Variants in PHF2 observed in about 807,000 individuals in gnomAD.
PHF2 encodes lysine-specific demethylase PHF2.
In PHF2, 27 loss-of-function variants were observed where a neutral mutation model predicts 120.5. The ratio of observed to expected loss-of-function variants is 0.22; its 90% confidence interval spans 0.17 to 0.31. PHF2 has a LOEUF of 0.31. Ranked by LOEUF, PHF2 falls within the 10% of genes least tolerant of loss-of-function variation. The probability of loss-of-function intolerance (pLI) is 1.00; values close to 1 mark genes in which losing one functional copy is unlikely to be tolerated. For missense variants in PHF2, 1,024 were observed against 1,434.8 expected (o/e 0.71, Z 4.63); for synonymous variants, 568 against 592.5 (o/e 0.96, Z 0.60).
intron 1 of PHF2, among the ~76,000 whole-genome samples, chr9:93,628,677 G>A (rs888243520): frequency 4.6e-5 from 7 of 152,044 alleles, no homozygotes; most frequent in East Asian, 1.9e-4. Flanking sequence ...CTGCTGTGGC[G>A]ACATTCTGGG....
At chr9:93,660,602 G>T in intron 12 of PHF2, 42 bp downstream of exon 12, 2 of 1,493,738 alleles carry the variant, frequency 1.3e-6, no homozygotes, top group South Asian at 1.4e-5. Flanking sequence ...ATCACCAGAG[G>T]TGCTGCAGCA....
intron 12 of PHF2, among the ~76,000 whole-genome samples, chr9:93,662,130 A>G (rs933487878): frequency 1.3e-5 from 2 of 149,540 alleles, no homozygotes; most frequent in East Asian, 2.0e-4. Flanking sequence ...TGGATGAATG[A>G]ATGGATGGAT....
intron 7 of PHF2, 99 bp from the exon 8 acceptor site, chr9:93,655,835 A>C: frequency 1.2e-6 from 1 of 803,248 alleles, no homozygotes; most frequent in South Asian, 1.7e-5. Context: ...TGGGCCGGGA[A>C]AGGCCTGTGC....
At chr9:93,663,698 A>T in intron 14 of PHF2, 63 bp downstream of exon 14, 1 of 884,290 alleles carries the variant, frequency 1.1e-6, no homozygotes, top group South Asian at 1.5e-5. Flanking sequence ...CACACCATAC[A>T]TACTGCATCA....
rs77895198 is a variant in PHF2, at chr9:93,636,253, G to A, written c.185-158G>A. 6.5e-4 allele frequency among the ~76,000 whole-genome samples: 99 copies of A among 152,232 alleles called. No individual in the cohort carries two copies. The East Asian group carries it at 0.013, about 19-fold the overall frequency. ...GGGGTTGACTCCTCCCTATGTGCAT[G>A]GCAGGGTGGGGGTGTCATCAGTCTT... is the stretch of plus-strand genomic sequence containing the variant. On this transcript the variant is annotated intron_variant, in intron 2 of 21. Transcript: ENST00000359246.
At chr9:93,592,038 CTT>C (rs1259195348) in intron 1 of PHF2, among the ~76,000 whole-genome samples, 3 of 152,230 alleles carry the variant, frequency 2.0e-5, no homozygotes, top group African/African-American at 2.4e-5. Flanking sequence ...GCATTTCACT[CTT>C]TACCCAGGGG....
At chr9:93,608,593 G>A (rs1274637089) in intron 1 of PHF2, among the ~76,000 whole-genome samples, 1 of 151,876 alleles carries the variant, frequency 6.6e-6, no homozygotes, top group African/African-American at 2.4e-5. Flanking sequence ...TATTTTGGAA[G>A]GTTATTAATT....
chr9:93,625,468 C>CCT, intron 1 of PHF2, among the ~76,000 whole-genome samples: 1 of 94,716 alleles, frequency 1.1e-5, no homozygotes, highest in Non-Finnish European at 2.0e-5. Flanking sequence ...GTTTGAGTAC[C>CCT]TTTTTTTTTT....
chr9:93,613,560 CTTTTT>C (rs201420565), intron 1 of PHF2, among the ~76,000 whole-genome samples: 2 of 129,050 alleles, frequency 1.5e-5, no homozygotes, highest in Non-Finnish European at 1.6e-5. Context: ...TTTTCTTTTT[CTTTTT>C]TTTTTTTTTT....
At chr9:93,602,911 T>C (rs1222195885) in intron 1 of PHF2, among the ~76,000 whole-genome samples, 1 of 152,022 alleles carries the variant, frequency 6.6e-6, no homozygotes, top group Non-Finnish European at 1.5e-5. Context: ...ACCTTCTGGC[T>C]CTCCCAGAGC....
At chr9:93,631,524 T>C (rs1826001438) in intron 2 of PHF2, among the ~76,000 whole-genome samples, 2 of 152,236 alleles carry the variant, frequency 1.3e-5, no homozygotes, top group African/African-American at 4.8e-5. Flanking sequence ...CTCATTAACC[T>C]ATCATCTGGT....
chr9:93,672,370 A>G (rs1282016991), intron 17 of PHF2: 2 of 979,298 alleles, frequency 2.0e-6, no homozygotes, highest in African/African-American at 1.8e-5. Context: ...GTGTAGATGC[A>G]GGTGTGAGTG....
chr9:93,606,315 T>C (rs1402974069), intron 1 of PHF2, among the ~76,000 whole-genome samples: 2 of 152,188 alleles, frequency 1.3e-5, no homozygotes, highest in Admixed American at 1.3e-4. Flanking sequence ...CCATAGTGGC[T>C]GTACCATTTT....
At chr9:93,648,247 G>A (rs1268343968) in intron 4 of PHF2, among the ~76,000 whole-genome samples, 1 of 152,252 alleles carries the variant, frequency 6.6e-6, no homozygotes, top group Non-Finnish European at 1.5e-5. Flanking sequence ...CAGCGTCCCA[G>A]TGGTGTTGCT....
At chr9:93,665,166 G>A (rs369781653) in intron 14 of PHF2, among the ~76,000 whole-genome samples, 34 of 152,328 alleles carry the variant, frequency 2.2e-4, no homozygotes, top group African/African-American at 7.7e-4. Flanking sequence ...CCCTGGCCCT[G>A]AGTTTATTTT....
rs752431907 is a variant in PHF2 at position 93,655,901 on chromosome 9, G to A, written c.953-33G>A. The stretch of plus-strand genomic sequence containing the variant: ...TGAGAAGCCCGTTCATGGGAGCAAG[G>A]TGGGGCACCAGCCACTCCTGTCTCT... On this transcript the variant is annotated intron_variant, in intron 7 of 21. Coordinates refer to ENST00000359246, the MANE Select transcript of PHF2 (RefSeq NM_005392.4). 3.9e-6 allele frequency: 6 copies of A among 1,538,772 alleles called. No homozygotes were observed. The South Asian group carries it at 5.7e-5, about 15-fold the overall frequency.
intron 3 of PHF2, 103 bp downstream of exon 3, chr9:93,636,628 C>T (rs1165386839): frequency 1.1e-6 from 1 of 886,072 alleles, no homozygotes. Context: ...CTTTGCTATC[C>T]TTGCTGGAAA....
At chr9:93,640,196 T>A (rs1022603630) in intron 3 of PHF2, among the ~76,000 whole-genome samples, 1 of 152,188 alleles carries the variant, frequency 6.6e-6, no homozygotes, top group Non-Finnish European at 1.5e-5. Flanking sequence ...TTATGTGGTC[T>A]AAGCTTTTTG....
chr9:93,670,568 G>C (rs1826763502), intron 17 of PHF2, among the ~76,000 whole-genome samples: 2 of 152,220 alleles, frequency 1.3e-5, no homozygotes, highest in South Asian at 2.1e-4. Flanking sequence ...GGTGGGGCAG[G>C]GCCCTGTGAA....
Sources: gnomAD v4.1 joint callset for allele counts (sites outside exome capture counted in the v4.1 genomes callset) on GRCh38, gnomAD v4.1.1 for gene constraint, MANE v1.5 for transcripts, NCBI Gene and HGNC (gene_info 2026-07-23, HGNC 2026-07-21) for gene names.